The following BABAM2 variants were observed in gnomAD, a reference collection of about 807,000 sequenced individuals.
BABAM2 encodes BRISC and BRCA1-A complex member 2.
BABAM2 carries 31 observed loss-of-function variants against 54.7 expected under a neutral mutation model. The observed-to-expected ratio is 0.57, with a 90% confidence interval of 0.43 to 0.77. BABAM2 has a LOEUF of 0.77. Ranked by LOEUF, BABAM2 falls within the 30% of genes least tolerant of loss-of-function variation. The pLI, the probability that BABAM2 is intolerant of heterozygous loss-of-function variation, is 0.00. For synonymous variants in BABAM2, 167 were observed against 162.9 expected, an observed-to-expected ratio of 1.03 and a Z score of -0.19; for missense variants, 364 against 455.8, an observed-to-expected ratio of 0.80 and a Z score of 1.83.
intron 6 of BABAM2, among the ~76,000 whole-genome samples, chr2:28,062,579 A>G (rs74727587): frequency 6.6e-6 from 1 of 151,882 alleles, no homozygotes; most frequent in South Asian, 2.1e-4. Context: ...AAAAACCAAA[A>G]AAAAAAAAAA....
intron 10 of BABAM2, among the ~76,000 whole-genome samples, chr2:28,277,653 T>C (rs927818684): frequency 9.9e-5 from 15 of 152,212 alleles, no homozygotes; most frequent in African/African-American, 3.6e-4. Context: ...ACCAGCTGAC[T>C]GTTTTGTTCC....
At chr2:28,073,826 G>A (rs936390017) in intron 6 of BABAM2, among the ~76,000 whole-genome samples, 2 of 151,998 alleles carry the variant, frequency 1.3e-5, no homozygotes, top group Non-Finnish European at 2.9e-5. Context: ...TAACTTTTTG[G>A]GGAGTGGGGG....
chr2:28,256,033 C>T (rs562052618), intron 10 of BABAM2, among the ~76,000 whole-genome samples: 1 of 152,214 alleles, frequency 6.6e-6, no homozygotes, highest in East Asian at 1.9e-4. Flanking sequence ...TCCGTGGATC[C>T]ATTCTGTAGA....
At chr2:28,299,938 T>C (rs1198399091) in intron 11 of BABAM2, among the ~76,000 whole-genome samples, 1 of 152,092 alleles carries the variant, frequency 6.6e-6, no homozygotes, top group African/African-American at 2.4e-5. Flanking sequence ...TTTTATTTTA[T>C]TTTATTTTAT....
chr2:28,289,511 C>T (rs1572351953), intron 10 of BABAM2, among the ~76,000 whole-genome samples: 1 of 152,028 alleles, frequency 6.6e-6, no homozygotes, highest in African/African-American at 2.4e-5. Flanking sequence ...ATTGTCAGGC[C>T]GGGCACAGAG....
At chr2:28,281,186 C>T (rs187816398) in intron 10 of BABAM2, among the ~76,000 whole-genome samples, 33 of 152,278 alleles carry the variant, frequency 2.2e-4, no homozygotes, top group African/African-American at 6.0e-4. Flanking sequence ...GCTGCCCCCA[C>T]CGGCATTCAA....
intron 3 of BABAM2, among the ~76,000 whole-genome samples, chr2:27,982,179 C>G (rs1230998780): frequency 1.3e-5 from 2 of 151,780 alleles, no homozygotes; most frequent in Non-Finnish European, 2.9e-5. Flanking sequence ...CTGTTCAGAC[C>G]CTTTGCCCTT....
intron 10 of BABAM2, among the ~76,000 whole-genome samples, chr2:28,293,264 A>G (rs1056896548): frequency 4.6e-5 from 7 of 152,096 alleles, no homozygotes; most frequent in African/African-American, 1.7e-4. Context: ...TCTTTTGGCT[A>G]TTCATTTTTC....
intron 7 of BABAM2, among the ~76,000 whole-genome samples, chr2:28,148,961 G>C (rs1426714912): frequency 6.6e-6 from 1 of 152,158 alleles, no homozygotes; most frequent in Non-Finnish European, 1.5e-5. Flanking sequence ...AAGCCGACCA[G>C]CTCAAACTGG....
At chr2:27,900,726 T>A (rs1479428326) in intron 2 of BABAM2, among the ~76,000 whole-genome samples, 1 of 152,166 alleles carries the variant, frequency 6.6e-6, no homozygotes, top group African/African-American at 2.4e-5. Flanking sequence ...TTAATGACAT[T>A]CCCTGAAATG....
intron 3 of BABAM2, among the ~76,000 whole-genome samples, chr2:27,985,797 G>C (rs1398685541): frequency 6.6e-6 from 1 of 152,058 alleles, no homozygotes; most frequent in East Asian, 1.9e-4. Context: ...AAATATCTTT[G>C]TATTGACACA....
chr2:28,162,562 C>T (rs1426064319), intron 7 of BABAM2, among the ~76,000 whole-genome samples: 1 of 152,240 alleles, frequency 6.6e-6, no homozygotes, highest in East Asian at 1.9e-4. Flanking sequence ...CTTCCTAGCT[C>T]AGCCAACCCT....
rs184492056 is a variant in BABAM2, at chr2:28,250,630, C to T, written c.934+5768C>T. Among the ~76,000 whole-genome samples, 781 of 140,282 alleles carry T rather than the reference C, an allele frequency of 5.6e-3. 5 individuals are homozygous for T. The highest frequency in any genetic ancestry group is 0.02 in the African/African-American group (749 of 37,792). The allele number at this position is 140,282 out of a possible 152,430, so 92.0% of individuals were successfully genotyped here. A position where few individuals can be genotyped will look rare whatever the true frequency, so the allele number is the denominator to read the frequency against. On this transcript the variant is annotated intron_variant, in intron 10 of 11. Transcript: ENST00000379624. ...TTGTTTTGTTTTTGAGACGGGGTCT[C>T]GCTCTGTCGCCCAGGCTGGAGTGCA...
intron 7 of BABAM2, among the ~76,000 whole-genome samples, chr2:28,167,709 T>TAA (rs1558400423): frequency 6.8e-6 from 1 of 147,700 alleles, no homozygotes; most frequent in Non-Finnish European, 1.5e-5. Flanking sequence ...AATAAATAAA[T>TAA]AAATAAATAA....
chr2:27,996,335 T>A (rs1673142201), intron 4 of BABAM2: 1 of 154,790 alleles, frequency 6.5e-6, no homozygotes, highest in African/African-American at 2.4e-5. Context: ...TTGGTAAGAG[T>A]CTGTTTACTT....
intron 4 of BABAM2, among the ~76,000 whole-genome samples, chr2:28,002,911 C>G (rs568516918): frequency 6.6e-6 from 1 of 151,972 alleles, no homozygotes; most frequent in South Asian, 2.1e-4. Context: ...AGATGAAAGA[C>G]AAAAATCTCA....
At chr2:28,249,642 TTA>T (rs1441437846) in intron 10 of BABAM2, among the ~76,000 whole-genome samples, 1 of 152,148 alleles carries the variant, frequency 6.6e-6, no homozygotes, top group Admixed American at 6.5e-5. Context: ...GGCTCATATG[TTA>T]TATGTCTTGG....
chr2:28,273,015 C>T (rs1685557547), intron 10 of BABAM2, among the ~76,000 whole-genome samples: 1 of 152,202 alleles, frequency 6.6e-6, no homozygotes. Flanking sequence ...TGCCGTGGAA[C>T]TTTCTTACTC....
At chr2:27,970,152 T>A (rs1671102489) in intron 3 of BABAM2, among the ~76,000 whole-genome samples, 1 of 152,218 alleles carries the variant, frequency 6.6e-6, no homozygotes, top group Admixed American at 6.5e-5. Flanking sequence ...TATTTTTAAC[T>A]TTTTTAGAGT....
Sources: gnomAD v4.1 joint callset for allele counts (sites outside exome capture counted in the v4.1 genomes callset) on GRCh38, gnomAD v4.1.1 for gene constraint, MANE v1.5 for transcripts, NCBI Gene and HGNC (gene_info 2026-07-23, HGNC 2026-07-21) for gene names.